ABCC8: variants seen among roughly 807,000 people sequenced by gnomAD.
ABCC8 encodes ATP-binding cassette sub-family C member 8.
Under a neutral mutation model 188.0 loss-of-function variants are expected in ABCC8, and 137 were observed. The observed-to-expected ratio is 0.73, with a 90% confidence interval of 0.63 to 0.84. ABCC8 has a LOEUF of 0.84. ABCC8 is among the 40% of genes least tolerant of loss of function. The pLI is 0.00. For synonymous variants in ABCC8, 797 were observed against 846.5 expected, an observed-to-expected ratio of 0.94 and a Z score of 1.01; for missense variants, 1,750 against 2,072.7, an observed-to-expected ratio of 0.84 and a Z score of 3.02.
At chr11:17,476,523 G>C (rs969212789) in intron 1 of ABCC8, 106 bp downstream of exon 1, 3 of 1,394,490 alleles carry the variant, frequency 2.2e-6, no homozygotes, top group East Asian at 2.6e-5. Context: ...CGAGGCGGAC[G>C]GCGGTCGCGG....
chr11:17,422,988 C>A (rs1234544140), intron 16 of ABCC8, among the ~76,000 whole-genome samples: 1 of 152,016 alleles, frequency 6.6e-6, no homozygotes. Flanking sequence ...CCGCAGTGAG[C>A]CTCCTCTCCT....
intron 5 of ABCC8, chr11:17,460,958 G>GC: frequency 1.9e-6 from 1 of 535,436 alleles, no homozygotes; most frequent in Non-Finnish European, 3.3e-6. Flanking sequence ...ACTGGAATGA[G>GC]GAGGTGGCCA....
At chr11:17,409,391 T>C (rs1176532596) in intron 22 of ABCC8, among the ~76,000 whole-genome samples, 6 of 152,206 alleles carry the variant, frequency 3.9e-5, no homozygotes, top group Non-Finnish European at 7.3e-5. Flanking sequence ...TCCTGATCAC[T>C]GATTCCTCAA....
chr11:17,432,578 G>A (rs527504038), intron 10 of ABCC8, among the ~76,000 whole-genome samples: 8 of 152,322 alleles, frequency 5.3e-5, no homozygotes, highest in Non-Finnish European at 7.4e-5. Context: ...TCAGGAGCAC[G>A]TGTTTCTGGG....
rs778624093 is a variant in ABCC8, at chr11:17,461,692, T to C, written c.713A>G (p.Lys238Arg). The C allele has an allele frequency of 6.8e-6, 11 of 1,614,114 alleles. No individual in the cohort carries two copies. The African/African-American group carries it at 1.2e-4, about 18-fold the overall frequency. Residue 238 changes from lysine to arginine, a missense_variant, in exon 5 of 39, where the codon AAG (lysine) becomes AGG (arginine). Lys to Arg is a conservative substitution (Grantham distance 26, BLOSUM62 2). Transcript: ENST00000389817. ...GTCGATGGGCTTCTTGTGGGCAGTCTTGATGAAGGCGTTCATCCACCAGTA... is the reference window on the plus strand; with the variant it reads ...GTCGATGGGCTTCTTGTGGGCAGTCCTGATGAAGGCGTTCATCCACCAGTA... ...GTYWWMNAFI[K>R]TAHKKPIDLR... is the part of the protein sequence containing the mutation.
At chr11:17,475,854 C>G (rs893444203) in intron 1 of ABCC8, among the ~76,000 whole-genome samples, 1 of 152,198 alleles carries the variant, frequency 6.6e-6, no homozygotes, top group African/African-American at 2.4e-5. Context: ...AGTTGATAGA[C>G]TTGACTGGTC....
chr11:17,438,733 T>C (rs572884597), intron 10 of ABCC8, among the ~76,000 whole-genome samples: 1 of 152,282 alleles, frequency 6.6e-6, no homozygotes, highest in East Asian at 1.9e-4. Flanking sequence ...AATCCCACCA[T>C]CTTGCAAGGT....
Position 17,470,346 on chromosome 11 carries a change from G to A in ABCC8, c.291-124C>T, listed in dbSNP as rs1591917032. 3 of 1,525,392 alleles carry A rather than the reference G, an allele frequency of 2.0e-6. No individual in the cohort carries two copies. The East Asian group carries it at 7.2e-5, about 36-fold the overall frequency. 94.5% of individuals were successfully genotyped at this position (1,525,392 alleles called of 1,614,324 possible). A position where few individuals can be genotyped will look rare whatever the true frequency, so the allele number is the denominator to read the frequency against. ...ATAGCATCACTTTATAGGCTGCAGG[G>A]CCCTTTAGTTAATGGGCGTATTTGG... is the stretch of plus-strand genomic sequence containing the variant. On this transcript the variant is annotated intron_variant, in intron 2 of 38. Coordinates refer to ENST00000389817, the MANE Select transcript of ABCC8 (RefSeq NM_000352.6).
chr11:17,459,912 G>GA (rs1163809499), intron 6 of ABCC8, among the ~76,000 whole-genome samples: 3 of 152,184 alleles, frequency 2.0e-5, no homozygotes. Context: ...TTAAGCCATG[G>GA]AAACTTTTCT....
At chr11:17,411,301 G>A (rs1009640685) in intron 21 of ABCC8, among the ~76,000 whole-genome samples, 3 of 152,164 alleles carry the variant, frequency 2.0e-5, no homozygotes, top group African/African-American at 7.2e-5. Flanking sequence ...CAGAGTAGAC[G>A]CTTCATAAAC....
In ABCC8 at chr11:17,394,387, G is replaced by A; in HGVS notation, c.4424C>T (p.Thr1475Ile). 6.2e-7 allele frequency: 1 copy of A among 1,614,204 alleles called. No homozygotes were observed. Among genetic ancestry groups the A allele is most frequent in the African/African-American group, 1.3e-5 (1 of 75,062 alleles). Reference sequence around the variant, plus strand: ...CTGGCTGAAATTCTCCCCGCCTTCTGTGATGATGGCATCTGAAAACAGCCC... The same window carrying A: ...CTGGCTGAAATTCTCCCCGCCTTCTATGATGATGGCATCTGAAAACAGCCC... Reference protein sequence around the residue: ...ALPGGLDAIITEGGENFSQGQ... With the variant: ...ALPGGLDAIIIEGGENFSQGQ... The change falls in exon 37 of 39, where the codon ACA (threonine) becomes ATA (isoleucine). Residue 1475 changes from threonine (T) to isoleucine (I), a missense_variant. Thr to Ile is a moderately conservative substitution (Grantham distance 89). Transcript: ENST00000389817.
At chr11:17,452,042 C>T (rs1244975504) in intron 7 of ABCC8, among the ~76,000 whole-genome samples, 1 of 152,332 alleles carries the variant, frequency 6.6e-6, no homozygotes, top group African/African-American at 2.4e-5. Context: ...TTGAGTAGCT[C>T]CTGTGTCAGC....
In ABCC8 at chr11:17,395,641, G is replaced by T; in HGVS notation, c.4276C>A (p.Gln1426Lys). Reference sequence around the variant, plus strand: ...GTGCCGCTGAAGAGGACGGGGTCCTGCAGGATGATGGAGAGGCGTGAGCGC... The same window carrying T: ...GTGCCGCTGAAGAGGACGGGGTCCTTCAGGATGATGGAGAGGCGTGAGCGC... Reference protein sequence around the residue: ...TLRSRLSIILQDPVLFSGTIR... With the variant: ...TLRSRLSIILKDPVLFSGTIR... The change falls in exon 35 of 39, where the codon CAG (glutamine) becomes AAG (lysine). Residue 1426 changes from glutamine (Q) to lysine (K), a missense_variant. By Grantham distance (53) the Gln-to-Lys change is moderately conservative (BLOSUM62 1). Coordinates refer to ENST00000389817, the MANE Select transcript of ABCC8 (RefSeq NM_000352.6). 6.4e-7 allele frequency: 1 copy of T among 1,559,274 alleles called. No homozygotes were observed.
chr11:17,454,128 G>T (rs1956909638), intron 6 of ABCC8, among the ~76,000 whole-genome samples: 4 of 152,088 alleles, frequency 2.6e-5, no homozygotes. Context: ...TGTTTGGCAG[G>T]GTGTGGGAGC....
chr11:17,395,521 C>T, intron 35 of ABCC8, 89 bp downstream of exon 35: 3 of 1,512,020 alleles, frequency 2.0e-6, no homozygotes, highest in Non-Finnish European at 1.8e-6. Flanking sequence ...GGATCCTGGT[C>T]TCCCCCAACC....
intron 6 of ABCC8, among the ~76,000 whole-genome samples, chr11:17,458,421 C>T (rs1478585331): frequency 6.6e-6 from 1 of 152,240 alleles, no homozygotes; most frequent in Non-Finnish European, 1.5e-5. Context: ...CGTCCTGCCT[C>T]AGAGCTCTCT....
intron 11 of ABCC8, among the ~76,000 whole-genome samples, chr11:17,431,208 C>T (rs1955832162): frequency 6.6e-6 from 1 of 152,244 alleles, no homozygotes; most frequent in African/African-American, 2.4e-5. Context: ...CCCTGTCCTG[C>T]CCAGTCTTGG....
intron 28 of ABCC8, among the ~76,000 whole-genome samples, chr11:17,403,489 G>T (rs763151377): frequency 2.0e-5 from 3 of 152,168 alleles, no homozygotes; most frequent in Non-Finnish European, 2.9e-5. Flanking sequence ...TATGTTGTTC[G>T]TGTGGGTGTC....
At chr11:17,464,053 G>A (rs1037899590) in intron 3 of ABCC8, among the ~76,000 whole-genome samples, 4 of 152,206 alleles carry the variant, frequency 2.6e-5, no homozygotes, top group Non-Finnish European at 5.9e-5. Context: ...ACAGATCCAA[G>A]GCCACACACC....
Sources: gnomAD v4.1 joint callset for allele counts (sites outside exome capture counted in the v4.1 genomes callset) on GRCh38, gnomAD v4.1.1 for gene constraint, MANE v1.5 for transcripts, NCBI Gene and HGNC (gene_info 2026-07-23, HGNC 2026-07-21) for gene names.